FHIP2A: variants seen among roughly 807,000 people sequenced by gnomAD.
The protein encoded by FHIP2A is family with sequence similarity 160 member B1.
FHIP2A carries 46 observed loss-of-function variants against 93.5 expected under a neutral mutation model. The observed-to-expected ratio is 0.49, with a 90% CI of 0.39 to 0.63. The LOEUF is 0.63. Among genes scored for constraint, FHIP2A ranks in the 20% least tolerant of loss-of-function variants. The pLI, the probability that FHIP2A is intolerant of heterozygous loss-of-function variation, is 0.00. For missense variants in FHIP2A, 769 were observed against 909.7 expected (o/e 0.85, Z 1.99); for synonymous variants, 332 against 326.5 (o/e 1.02, Z -0.18).
intron 13 of FHIP2A, among the ~76,000 whole-genome samples, chr10:114,852,111 T>C (rs923731254): frequency 3.2e-4 from 39 of 123,646 alleles, no homozygotes; most frequent in African/African-American, 1.2e-3. Flanking sequence ...TCAAACTTTC[T>C]CCTTTCTTAA....
intron 16 of FHIP2A, among the ~76,000 whole-genome samples, chr10:114,898,285 C>T (rs1410455440): frequency 6.6e-6 from 1 of 152,166 alleles, no homozygotes; most frequent in African/African-American, 2.4e-5. Context: ...CAAGAGGCTT[C>T]TTTTTCCAGT....
At chr10:114,873,686 A>G (rs2083870150) in intron 16 of FHIP2A, among the ~76,000 whole-genome samples, 1 of 152,164 alleles carries the variant, frequency 6.6e-6, no homozygotes, top group African/African-American at 2.4e-5. Flanking sequence ...ATACTATTTC[A>G]TTGGTTTTGT....
chr10:114,835,670 T>G, intron 4 of FHIP2A, 29 bp downstream of exon 4: 1 of 1,251,654 alleles, frequency 8.0e-7, no homozygotes, highest in Non-Finnish European at 1.1e-6. Flanking sequence ...ATAAAATCAT[T>G]TTGTTTGATT....
chr10:114,892,884 T>TG (rs2083982722), intron 16 of FHIP2A, among the ~76,000 whole-genome samples: 1 of 152,112 alleles, frequency 6.6e-6, no homozygotes, highest in African/African-American at 2.4e-5. Flanking sequence ...ACTACCAGAA[T>TG]TTTTCATTTG....
intron 5 of FHIP2A, among the ~76,000 whole-genome samples, chr10:114,840,227 A>C (rs2083661463): frequency 6.6e-6 from 1 of 152,182 alleles, no homozygotes. Context: ...CATCTCTATA[A>C]AAAATAAATA....
intron 16 of FHIP2A, among the ~76,000 whole-genome samples, chr10:114,875,861 G>T (rs2083884034): frequency 8.1e-6 from 1 of 123,194 alleles, no homozygotes; most frequent in Non-Finnish European, 1.7e-5. Context: ...GAAAAAGAAA[G>T]AAAGAAAGAG....
intron 1 of FHIP2A, among the ~76,000 whole-genome samples, chr10:114,826,655 G>A (rs2083578448): frequency 6.6e-6 from 1 of 152,132 alleles, no homozygotes. Context: ...GAGAAGATGG[G>A]GAAGGTCACT....
At chr10:114,856,062 G>T (rs908013226) in intron 14 of FHIP2A, among the ~76,000 whole-genome samples, 3 of 152,132 alleles carry the variant, frequency 2.0e-5, no homozygotes, top group African/African-American at 7.2e-5. Context: ...AAACTGAGTG[G>T]ACCAATTTGG....
rs191459788 is a variant in FHIP2A, at chr10:114,840,856, C to T, written c.523-2077C>T. Among the ~76,000 whole-genome samples the T allele has an allele frequency of 2.5e-4, 38 of 152,042 alleles. No individual in the cohort carries two copies. In the South Asian group the frequency reaches 3.7e-3, roughly 15 times the overall value. On this transcript the variant is annotated intron_variant, in intron 5 of 16. Transcript: ENST00000369248. ...CTGATGGAGATAATTAGCAGGTATTCGGTATTGCAAATCTTTGATTTGGGA... is the reference window on the plus strand; with the variant it reads ...CTGATGGAGATAATTAGCAGGTATTTGGTATTGCAAATCTTTGATTTGGGA...
chr10:114,838,434 A>G (rs1304007428), intron 5 of FHIP2A, among the ~76,000 whole-genome samples: 2 of 151,786 alleles, frequency 1.3e-5, no homozygotes, highest in African/African-American at 4.8e-5. Context: ...TCTTTTGCAA[A>G]TTTGCTTCAA....
rs2083527517 is a variant in FHIP2A, at chr10:114,822,010, G to GGGA, written c.-67_-66insAGG. On this transcript the variant is annotated 5_prime_UTR_variant, in exon 1 of 17. Coordinates refer to ENST00000369248, the MANE Select transcript of FHIP2A (RefSeq NM_020940.4). ...GGAGCGGCCCCGGCAGCCGCAGCAG[G>GGGA]GGCGGCGGCGGCGGATCGAGGAGCT... is the stretch of plus-strand genomic sequence containing the variant. 9.5e-7 allele frequency: 1 copy of GGGA among 1,051,994 alleles called. No individual in the cohort carries two copies. The highest frequency in any genetic ancestry group is 1.2e-6 in the Non-Finnish European group (1 of 813,392). 65.2% of individuals were successfully genotyped at this position (1,051,994 alleles called of 1,614,324 possible). A position where few individuals can be genotyped will look rare whatever the true frequency, so the allele number is the denominator to read the frequency against.
intron 15 of FHIP2A, 84 bp downstream of exon 15, chr10:114,860,973 C>T: frequency 1.5e-6 from 2 of 1,316,500 alleles, no homozygotes; most frequent in Non-Finnish European, 2.2e-6. Flanking sequence ...CAGTTAGTGT[C>T]ACATAATGAA....
intron 14 of FHIP2A, among the ~76,000 whole-genome samples, chr10:114,855,644 G>A (rs1045675782): frequency 6.6e-6 from 1 of 152,096 alleles, no homozygotes; most frequent in African/African-American, 2.4e-5. Context: ...GACTTGCTTA[G>A]CCTTTTAGTT....
intron 1 of FHIP2A, among the ~76,000 whole-genome samples, chr10:114,828,572 G>T (rs2083590687): frequency 6.6e-6 from 1 of 152,190 alleles, no homozygotes; most frequent in East Asian, 1.9e-4. Flanking sequence ...AAAAAAATTA[G>T]GAAGAGGTTT....
At position 114,830,936 on chromosome 10, in the gene FHIP2A, G is replaced by A; in HGVS notation, c.124+6G>A. Reference sequence around the variant, plus strand: ...TTACTACATAGAGACTTCAGGTAAGGAACAATGCTGATATTAACTGAAAAT... The same window carrying A: ...TTACTACATAGAGACTTCAGGTAAGAAACAATGCTGATATTAACTGAAAAT... On this transcript the variant is annotated splice_donor_region_variant and intron_variant, in intron 2 of 16. Coordinates refer to ENST00000369248, the MANE Select transcript of FHIP2A (RefSeq NM_020940.4). 1 of 1,514,140 alleles carries A rather than the reference G, an allele frequency of 6.6e-7. No homozygotes were observed. Among genetic ancestry groups the A allele is most frequent in the Non-Finnish European group, 8.9e-7 (1 of 1,118,848 alleles). The allele number at this position is 1,514,140 out of a possible 1,614,324, so 93.8% of individuals were successfully genotyped here.
At chr10:114,845,591 C>T in intron 8 of FHIP2A, 110 bp downstream of exon 8, 1 of 670,000 alleles carries the variant, frequency 1.5e-6, no homozygotes. Context: ...CTTAGAATAC[C>T]ATGGTTAGTA....
At chr10:114,823,661 A>ATT (rs71007496) in intron 1 of FHIP2A, among the ~76,000 whole-genome samples, 4 of 139,490 alleles carry the variant, frequency 2.9e-5, no homozygotes, top group African/African-American at 1.1e-4. Context: ...CACACGGCTA[A>ATT]TTTTTTTTTT....
At chr10:114,823,248 G>A (rs1236554028) in intron 1 of FHIP2A, among the ~76,000 whole-genome samples, 1 of 152,158 alleles carries the variant, frequency 6.6e-6, no homozygotes, top group African/African-American at 2.4e-5. Flanking sequence ...TACATGAGAA[G>A]CGTTAAAAAA....
intron 2 of FHIP2A, among the ~76,000 whole-genome samples, chr10:114,831,279 A>G (rs2083606309): frequency 6.6e-6 from 1 of 152,206 alleles, no homozygotes; most frequent in African/African-American, 2.4e-5. Context: ...GAAGCAGGCT[A>G]AAGAGTACGT....
Sources: allele counts gnomAD v4.1 joint callset (sites outside exome capture counted in the v4.1 genomes callset), GRCh38; gene constraint gnomAD v4.1.1; transcripts MANE v1.5; gene names NCBI Gene and HGNC (gene_info 2026-07-23, HGNC 2026-07-21).